TYW1B: variants seen among roughly 807,000 people sequenced by gnomAD.
TYW1B encodes S-adenosyl-L-methionine-dependent tRNA 4-demethylwyosine synthase TYW1B.
A neutral mutation model predicts 86.9 loss-of-function variants in TYW1B; 73 were observed. The observed-to-expected ratio is 0.84, with a 90% CI of 0.70 to 1.02. TYW1B has a LOEUF of 1.02. TYW1B is among the 50% of genes least tolerant of loss of function. The pLI, the probability that TYW1B is intolerant of heterozygous loss-of-function variation, is 0.00. For synonymous variants in TYW1B, 248 were observed against 292.8 expected (o/e 0.85, Z 1.56); for missense variants, 637 against 827.4 (o/e 0.77, Z 2.82).
At position 72,672,508 on chromosome 7, in the gene TYW1B, A is replaced by ACACC. The variant is rs1389234655; in HGVS notation, c.1506+22178_1506+22179insGGTG. ...CACACACACACACACACACACACACACCTGTATACACAGGTATGTAATATG... is the reference window on the plus strand; with the variant it reads ...CACACACACACACACACACACACACACACCCCTGTATACACAGGTATGTAATATG... On this transcript the variant is annotated intron_variant, in intron 11 of 13. Transcript: ENST00000620995. 2.0e-5 allele frequency among the ~76,000 whole-genome samples: 3 copies of ACACC among 149,670 alleles called. No homozygotes were observed. In the South Asian group the frequency reaches 6.5e-4, roughly 32 times the overall value.
At chr7:72,818,308 A>AT (rs1554479799) in intron 2 of TYW1B, among the ~76,000 whole-genome samples, 1 of 151,922 alleles carries the variant, frequency 6.6e-6, no homozygotes, top group Non-Finnish European at 1.5e-5. Context: ...CCGGCCGGGC[A>AT]TGGTGGCTCA....
chr7:72,810,378 GT>G, intron 4 of TYW1B, 92 bp downstream of exon 4: 2 of 1,267,598 alleles, frequency 1.6e-6, no homozygotes, highest in African/African-American at 3.5e-5. Flanking sequence ...GTGTGTACGT[GT>G]GTGCACGTGT....
intron 8 of TYW1B, among the ~76,000 whole-genome samples, chr7:72,740,882 C>G (rs1267867514): frequency 1.1e-4 from 16 of 152,014 alleles, no homozygotes; most frequent in South Asian, 4.2e-4. Context: ...AGGTGCCCAC[C>G]ACCACGCCTG....
chr7:72,662,495 C>G (rs78226469), intron 11 of TYW1B, among the ~76,000 whole-genome samples: 5 of 151,288 alleles, frequency 3.3e-5, no homozygotes, highest in Non-Finnish European at 7.4e-5. Flanking sequence ...TTCCTTTTTT[C>G]ACAAGCTCCA....
intron 11 of TYW1B, among the ~76,000 whole-genome samples, chr7:72,652,590 GA>G (rs1265050574): frequency 6.6e-6 from 1 of 151,984 alleles, no homozygotes; most frequent in Non-Finnish European, 1.5e-5. Context: ...GAAGAAACAG[GA>G]AAAATGCCTT....
chr7:72,675,344 A>G (rs1381825692), intron 11 of TYW1B, among the ~76,000 whole-genome samples: 2 of 152,010 alleles, frequency 1.3e-5, no homozygotes, highest in African/African-American at 4.8e-5. Flanking sequence ...GGTTGCAGTG[A>G]GCCGAGACTG....
Position 72,618,991 on chromosome 7 carries a change from A to G in TYW1B, c.1618-2152T>C, listed in dbSNP as rs565534502. Among the ~76,000 whole-genome samples the G allele has an allele frequency of 1.6e-4, 24 of 152,264 alleles. No homozygotes were observed. In the South Asian group the frequency reaches 4.6e-3, roughly 29 times the overall value. ...ACGTCACAGCCCGAATTTCCACCAC[A>G]TTTCATACTAACTCCCCCTAAATTT... On this transcript the variant is annotated intron_variant, in intron 12 of 13. Coordinates refer to ENST00000620995, the MANE Select transcript of TYW1B (RefSeq NM_001145440.3).
intron 13 of TYW1B, among the ~76,000 whole-genome samples, chr7:72,614,483 A>G (rs373825650): frequency 6.6e-6 from 1 of 152,172 alleles, no homozygotes; most frequent in Admixed American, 6.5e-5. Context: ...AAACACAAAA[A>G]TTAAATGGGT....
intron 13 of TYW1B, among the ~76,000 whole-genome samples, chr7:72,601,369 T>C (rs143964600): frequency 0.024 from 3,575 of 151,242 alleles, 146 homozygotes; most frequent in African/African-American, 0.081. Flanking sequence ...AAACCTGATA[T>C]ACACCAAATT....
At chr7:72,711,500 T>TTTTTTTTTTTTA (rs1786665002) in intron 10 of TYW1B, among the ~76,000 whole-genome samples, 1 of 143,830 alleles carries the variant, frequency 7.0e-6, no homozygotes, top group Non-Finnish European at 1.5e-5. Flanking sequence ...TTTTTTTTTT[T>TTTTTTTTTTTTA]GCTCTGTAGC....
intron 11 of TYW1B, among the ~76,000 whole-genome samples, chr7:72,658,790 G>A (rs1342233715): frequency 5.9e-5 from 9 of 152,130 alleles, no homozygotes; most frequent in South Asian, 2.1e-4. Flanking sequence ...GCACAATCTC[G>A]GCTCACTGCA....
At chr7:72,752,024 C>T (rs1554465148) in intron 7 of TYW1B, among the ~76,000 whole-genome samples, 2 of 152,178 alleles carry the variant, frequency 1.3e-5, no homozygotes, top group African/African-American at 4.8e-5. Context: ...GCTTGTCTGG[C>T]TTATGCCCTC....
chr7:72,731,015 T>C lies in TYW1B; in HGVS notation c.1083-2084A>G, dbSNP rs185846613. ...ACAAAGCAAATTCTAAAAACAGCAA[T>C]TGAAAAGCATCACGTCACATGTAAG... On this transcript the variant is annotated intron_variant, in intron 8 of 13. Coordinates refer to ENST00000620995, the MANE Select transcript of TYW1B (RefSeq NM_001145440.3). Among the ~76,000 whole-genome samples the C allele has an allele frequency of 2.7e-3, 385 of 141,552 alleles. 1 individual carries two copies. The highest frequency in any genetic ancestry group is 7.2e-3 in the African/African-American group (272 of 37,974). The allele number at this position is 141,552 out of a possible 152,430, so 92.9% of individuals were successfully genotyped here.
At chr7:72,693,116 T>A (rs1814213041) in intron 11 of TYW1B, among the ~76,000 whole-genome samples, 1 of 151,998 alleles carries the variant, frequency 6.6e-6, no homozygotes, top group Non-Finnish European at 1.5e-5. Context: ...CTGGGGTGAT[T>A]CTCATTATCA....
chr7:72,749,199 T>C (rs1787445649), intron 7 of TYW1B, among the ~76,000 whole-genome samples: 1 of 152,212 alleles, frequency 6.6e-6, no homozygotes, highest in Non-Finnish European at 1.5e-5. Context: ...AGTTGCCAAA[T>C]TTATCAACAT....
rs1554470849 is a variant in TYW1B, at chr7:72,777,683, G to A, written c.847-150C>T. On this transcript the variant is annotated intron_variant, in intron 6 of 13. Coordinates refer to ENST00000620995, the MANE Select transcript of TYW1B (RefSeq NM_001145440.3). ...GTAATCCCAGCATTTTAGAAGGCCA[G>A]GGTAGGCGGATCACCTGAGGTCAGG... is the stretch of plus-strand genomic sequence containing the variant. 4.3e-6 allele frequency: 4 copies of A among 938,180 alleles called. No homozygotes were observed. In the East Asian group the frequency reaches 1.1e-4, roughly 25 times the overall value. The allele number at this position is 938,180 out of a possible 1,614,324, so 58.1% of individuals were successfully genotyped here. A position where few individuals can be genotyped will look rare whatever the true frequency, so the allele number is the denominator to read the frequency against.
intron 11 of TYW1B, among the ~76,000 whole-genome samples, chr7:72,688,337 C>A (rs1814059539): frequency 2.0e-5 from 3 of 152,180 alleles, no homozygotes; most frequent in Admixed American, 2.0e-4. Flanking sequence ...ACATTCAGAT[C>A]TATTATTTGC....
At chr7:72,684,251 A>G (rs1441876358) in intron 11 of TYW1B, among the ~76,000 whole-genome samples, 3 of 152,188 alleles carry the variant, frequency 2.0e-5, no homozygotes, top group Non-Finnish European at 4.4e-5. Context: ...ACCAAGTAGG[A>G]TAAATGCCAG....
intron 4 of TYW1B, among the ~76,000 whole-genome samples, chr7:72,809,245 A>G (rs1788553905): frequency 1.3e-5 from 2 of 151,726 alleles, no homozygotes; most frequent in Non-Finnish European, 2.9e-5. Context: ...GGGTTTCACC[A>G]TGTTAGCCAC....
Sources: gnomAD v4.1 joint callset for allele counts (sites outside exome capture counted in the v4.1 genomes callset) on GRCh38, gnomAD v4.1.1 for gene constraint, MANE v1.5 for transcripts, NCBI Gene and HGNC (gene_info 2026-07-23, HGNC 2026-07-21) for gene names.